Variants in ENTREP2 observed in about 807,000 individuals in gnomAD.
ENTREP2 encodes endosomal transmembrane epsin interactor 2, also known as protein ENTREP2.
chr15:29,427,439 C>T, the ENTREP2 span, among the ~76,000 whole-genome samples: 1 of 152,200 alleles, frequency 6.6e-6, no homozygotes, highest in Non-Finnish European at 1.5e-5. Context: ...ACAAAATTAT[C>T]ACCTTTCAGC....
chr15:29,397,637 G>A, the ENTREP2 span, among the ~76,000 whole-genome samples: 1 of 152,170 alleles, frequency 6.6e-6, no homozygotes, highest in Non-Finnish European at 1.5e-5. Context: ...GGATGACAAA[G>A]ATAACTTGCT....
chr15:29,363,939 T>C, the ENTREP2 span, among the ~76,000 whole-genome samples: 1 of 152,166 alleles, frequency 6.6e-6, no homozygotes, highest in African/African-American at 2.4e-5. Context: ...ACAGGAGAGC[T>C]ACCAGGGCTT....
the ENTREP2 span, among the ~76,000 whole-genome samples, chr15:29,166,204 C>T: frequency 6.6e-6 from 1 of 152,148 alleles, no homozygotes; most frequent in African/African-American, 2.4e-5. Context: ...GACAAAACCA[C>T]AGGCAACATA....
the ENTREP2 span, among the ~76,000 whole-genome samples, chr15:29,228,540 A>C: frequency 1.3e-5 from 2 of 152,164 alleles, no homozygotes; most frequent in African/African-American, 4.8e-5. Context: ...GGTTTCACAC[A>C]ATGTGAATGT....
chr15:29,204,544 G>A, the ENTREP2 span, among the ~76,000 whole-genome samples: 1 of 152,096 alleles, frequency 6.6e-6, no homozygotes, highest in South Asian at 2.1e-4. Flanking sequence ...GGCGCAGCAC[G>A]GGTGACAGAG....
At chr15:29,524,945 C>A in the ENTREP2 span, among the ~76,000 whole-genome samples, 4 of 152,356 alleles carry the variant, frequency 2.6e-5, no homozygotes, top group African/African-American at 4.8e-5. Flanking sequence ...TGTCCCTCCC[C>A]CTGTGCTCTC....
the ENTREP2 span, among the ~76,000 whole-genome samples, chr15:29,606,863 T>C: frequency 6.6e-6 from 1 of 152,130 alleles, no homozygotes; most frequent in Admixed American, 6.6e-5. Context: ...AGGTTCTTGC[T>C]CTGTCACCCA....
the ENTREP2 span, among the ~76,000 whole-genome samples, chr15:29,480,621 C>T: frequency 6.6e-6 from 1 of 152,098 alleles, no homozygotes; most frequent in African/African-American, 2.4e-5. Flanking sequence ...ATGGGGCCCA[C>T]TCTCCCATGT....
the ENTREP2 span, among the ~76,000 whole-genome samples, chr15:29,546,074 T>A: frequency 6.6e-6 from 1 of 152,198 alleles, no homozygotes; most frequent in Non-Finnish European, 1.5e-5. Flanking sequence ...CTCTATCTCA[T>A]TGCCCTCTAT....
chr15:29,229,385 G>C, the ENTREP2 span, among the ~76,000 whole-genome samples: 2 of 152,062 alleles, frequency 1.3e-5, no homozygotes, highest in Admixed American at 6.6e-5. Context: ...AACATGCTCA[G>C]TTTTGAACCT....
chr15:29,144,322 A>G, the ENTREP2 span, among the ~76,000 whole-genome samples: 1 of 152,238 alleles, frequency 6.6e-6, no homozygotes, highest in African/African-American at 2.4e-5. Flanking sequence ...ACAAACTACC[A>G]AAACAGACTT....
the ENTREP2 span, among the ~76,000 whole-genome samples, chr15:29,262,960 GTCT>G: frequency 6.6e-6 from 1 of 152,216 alleles, no homozygotes; most frequent in Admixed American, 6.5e-5. Flanking sequence ...GATCACAGAA[GTCT>G]TCTTCTGTGT....
chr15:29,364,433 A>G, the ENTREP2 span, among the ~76,000 whole-genome samples: 1 of 152,184 alleles, frequency 6.6e-6, no homozygotes, highest in Admixed American at 6.5e-5. Context: ...CTATCTGAAC[A>G]GGGCCCAGCA....
chr15:29,600,087 C>T, the ENTREP2 span, among the ~76,000 whole-genome samples: 9 of 152,222 alleles, frequency 5.9e-5, no homozygotes, highest in South Asian at 2.1e-4. Flanking sequence ...AGCCTCTATA[C>T]GGCTGGTGAC....
the ENTREP2 span, among the ~76,000 whole-genome samples, chr15:29,439,752 G>A: frequency 3.3e-5 from 5 of 152,186 alleles, no homozygotes; most frequent in African/African-American, 1.2e-4. Flanking sequence ...CTCTCCCCCA[G>A]GAGGCAAAGC....
At chr15:29,549,954 G>T in the ENTREP2 span, among the ~76,000 whole-genome samples, 51 of 152,272 alleles carry the variant, frequency 3.3e-4, no homozygotes, top group African/African-American at 1.2e-3. Flanking sequence ...GAATGGAAAA[G>T]GGAAACTGAG....
the ENTREP2 span, among the ~76,000 whole-genome samples, chr15:29,239,767 C>G: frequency 3.3e-5 from 5 of 152,114 alleles, no homozygotes; most frequent in Non-Finnish European, 7.4e-5. Flanking sequence ...AATACTTTTC[C>G]CGTTTACATG....
chr15:29,274,960 G>A, the ENTREP2 span, among the ~76,000 whole-genome samples: 1 of 152,198 alleles, frequency 6.6e-6, no homozygotes. Flanking sequence ...GAAGTTGTTT[G>A]TACAGAATTC....
At chr15:29,577,180 C>A in the ENTREP2 span, among the ~76,000 whole-genome samples, 3 of 151,988 alleles carry the variant, frequency 2.0e-5, no homozygotes, top group African/African-American at 7.2e-5. Flanking sequence ...AAATTAGAAC[C>A]CTTGTGCATT....
Sources: allele counts gnomAD v4.1 joint callset (sites outside exome capture counted in the v4.1 genomes callset), GRCh38; gene constraint gnomAD v4.1.1; transcripts MANE v1.5; gene names NCBI Gene and HGNC (gene_info 2026-07-23, HGNC 2026-07-21).